ASTN2: variants seen among roughly 807,000 people sequenced by gnomAD.
ASTN2 encodes astrotactin 2.
ASTN2 carries 54 observed loss-of-function variants against 139.8 expected under a neutral mutation model. The observed-to-expected ratio is 0.39, with a 90% CI of 0.31 to 0.48. The LOEUF (loss-of-function observed/expected upper bound fraction) is 0.48, where lower values mean the gene tolerates loss of function less well. Among genes scored for constraint, ASTN2 ranks in the 20% least tolerant of loss-of-function variants. ASTN2 has a pLI of 0.95. For synonymous variants in ASTN2, 756 were observed against 719.5 expected (o/e 1.05, Z -0.81); for missense variants, 1,565 against 1,725.1 (o/e 0.91, Z 1.64).
chr9:117,055,237 C>T (rs1054696731), intron 5 of ASTN2, among the ~76,000 whole-genome samples: 3 of 152,196 alleles, frequency 2.0e-5, no homozygotes, highest in East Asian at 1.9e-4. Flanking sequence ...TAAGTAAGTA[C>T]CTAAAAGTGC....
intron 11 of ASTN2, among the ~76,000 whole-genome samples, chr9:116,826,145 A>T (rs1037779506): frequency 1.3e-5 from 2 of 152,142 alleles, no homozygotes; most frequent in African/African-American, 4.8e-5. Flanking sequence ...TACCATTGGC[A>T]TGAGTTTGGG....
chr9:116,740,464 G>A (rs934325221), intron 13 of ASTN2, among the ~76,000 whole-genome samples: 5 of 152,108 alleles, frequency 3.3e-5, no homozygotes, highest in African/African-American at 1.2e-4. Flanking sequence ...GGGATAATGA[G>A]TTCAGCTTCA....
intron 11 of ASTN2, among the ~76,000 whole-genome samples, chr9:116,853,403 A>G (rs189541700): frequency 2.2e-4 from 33 of 152,314 alleles, no homozygotes; most frequent in Non-Finnish European, 7.3e-5. Context: ...GCTAAGGAGA[A>G]GGTGTCTGAT....
At chr9:116,485,738 C>T (rs961341743) in intron 20 of ASTN2, among the ~76,000 whole-genome samples, 3 of 152,190 alleles carry the variant, frequency 2.0e-5, no homozygotes, top group East Asian at 1.9e-4. Flanking sequence ...ATTCACTGCC[C>T]CCCAGGTGAC....
chr9:116,500,712 A>G (rs943688232), intron 19 of ASTN2, among the ~76,000 whole-genome samples: 1 of 152,260 alleles, frequency 6.6e-6, no homozygotes, highest in Non-Finnish European at 1.5e-5. Flanking sequence ...CCACATCTGT[A>G]AAATGAATGT....
At chr9:116,962,820 T>C (rs1253913709) in intron 10 of ASTN2, among the ~76,000 whole-genome samples, 1 of 152,190 alleles carries the variant, frequency 6.6e-6, no homozygotes, top group Non-Finnish European at 1.5e-5. Context: ...ACTGTTTTGA[T>C]GGTAGAGTGT....
chr9:117,167,265 C>T (rs1830690276), intron 3 of ASTN2, among the ~76,000 whole-genome samples: 1 of 147,260 alleles, frequency 6.8e-6, no homozygotes, highest in Admixed American at 6.7e-5. Context: ...TTGATCACAC[C>T]AAAACCTTTT....
At chr9:116,916,377 G>C (rs1834446881) in intron 10 of ASTN2, among the ~76,000 whole-genome samples, 1 of 152,180 alleles carries the variant, frequency 6.6e-6, no homozygotes, top group Non-Finnish European at 1.5e-5. Context: ...AGCCATGAAA[G>C]ATGGTTACTA....
At chr9:116,819,282 C>T (rs1782391147) in intron 12 of ASTN2, among the ~76,000 whole-genome samples, 1 of 152,186 alleles carries the variant, frequency 6.6e-6, no homozygotes, top group Non-Finnish European at 1.5e-5. Flanking sequence ...TGGATGCAGC[C>T]TGCAGATCTA....
intron 10 of ASTN2, among the ~76,000 whole-genome samples, chr9:116,928,217 T>C (rs1834810146): frequency 6.6e-6 from 1 of 152,158 alleles, no homozygotes; most frequent in Non-Finnish European, 1.5e-5. Context: ...GGTCTACCAG[T>C]GTCTATTTTA....
intron 10 of ASTN2, among the ~76,000 whole-genome samples, chr9:116,907,820 G>T (rs562366198): frequency 6.6e-6 from 1 of 152,278 alleles, no homozygotes; most frequent in Admixed American, 6.5e-5. Flanking sequence ...ATCCTATGCT[G>T]CAGGACGTGG....
intron 5 of ASTN2, among the ~76,000 whole-genome samples, chr9:117,060,504 AGAAAGAAAG>A (rs1839251391): frequency 1.0e-5 from 1 of 95,524 alleles, no homozygotes; most frequent in Admixed American, 1.1e-4. Context: ...AAAGAAAGAA[AGAAAGAAAG>A]GAAGGAAGGA....
chr9:117,402,034 G>A (rs1278409165), intron 1 of ASTN2, among the ~76,000 whole-genome samples: 1 of 152,132 alleles, frequency 6.6e-6, no homozygotes, highest in East Asian at 1.9e-4. Flanking sequence ...TGATGCCAGT[G>A]GAAACTATGA....
rs543347832 is a variant in ASTN2 at position 117,414,452 on chromosome 9, C to CT, written c.442+44dup. 5.9e-4 allele frequency: 948 copies of CT among 1,600,652 alleles called. 5 individuals carry two copies. The African/African-American group carries it at 0.011, about 18-fold the overall frequency. ...CCACCCGTCCGGCATGACGCAGGGGCTCGGGGTTCCTTGGGATCTAGCGCG... is the reference window on the plus strand; with the variant it reads ...CCACCCGTCCGGCATGACGCAGGGGCTTCGGGGTTCCTTGGGATCTAGCGCG... On this transcript the variant is annotated intron_variant, in intron 1 of 22. Transcript: ENST00000313400. The surrounding 1 kb of genome is among the most constrained non-coding windows in gnomAD (Gnocchi z 4.2).
At chr9:117,092,812 A>T (rs1828738398) in intron 5 of ASTN2, among the ~76,000 whole-genome samples, 1 of 152,176 alleles carries the variant, frequency 6.6e-6, no homozygotes, top group South Asian at 2.1e-4. Flanking sequence ...TTTGCTAAAG[A>T]GGAGCTGAAA....
intron 6 of ASTN2, among the ~76,000 whole-genome samples, chr9:117,009,709 T>C (rs547662207): frequency 1.3e-5 from 2 of 152,286 alleles, no homozygotes; most frequent in Admixed American, 6.5e-5. Context: ...AACACATCTT[T>C]GTGTATGCAA....
chr9:117,212,384 C>A (rs1041458725), intron 3 of ASTN2, among the ~76,000 whole-genome samples: 8 of 149,736 alleles, frequency 5.3e-5, no homozygotes, highest in South Asian at 2.1e-4. Flanking sequence ...AAAGCACAGG[C>A]AAAGAAAAAA....
rs572618351 is a variant in ASTN2 at position 116,690,224 on chromosome 9, A to G, written c.2806+35547T>C. 3.5e-4 allele frequency among the ~76,000 whole-genome samples: 53 copies of G among 152,336 alleles called. 1 individual carries two copies. The highest frequency in any genetic ancestry group is 7.2e-4 in the Non-Finnish European group (49 of 68,036). On this transcript the variant is annotated intron_variant, in intron 16 of 22. Transcript: ENST00000313400. ...CAATCTATTAAAAATGCAAATGATT[A>G]TAATTTGTTGAGTGCTTATTATGTG... is the stretch of plus-strand genomic sequence containing the variant.
intron 16 of ASTN2, among the ~76,000 whole-genome samples, chr9:116,714,337 A>G (rs1828253429): frequency 6.6e-6 from 1 of 152,152 alleles, no homozygotes; most frequent in South Asian, 2.1e-4. Flanking sequence ...GAAGACATAT[A>G]TCTTAGGCTG....
Sources: gnomAD v4.1 joint callset for allele counts (sites outside exome capture counted in the v4.1 genomes callset) on GRCh38, gnomAD v4.1.1 for gene constraint, Gnocchi (gnomAD v3.1) non-coding constraint, MANE v1.5 for transcripts, NCBI Gene and HGNC (gene_info 2026-07-23, HGNC 2026-07-21) for gene names.